KLHL5: variants seen among roughly 807,000 people sequenced by gnomAD.
KLHL5 encodes the protein kelch-like protein 5.
Under a neutral mutation model 77.7 loss-of-function variants are expected in KLHL5, and 48 were observed. The observed-to-expected ratio is 0.62, with a 90% CI of 0.49 to 0.79. The LOEUF (loss-of-function observed/expected upper bound fraction) is 0.79, where lower values mean the gene tolerates loss of function less well. Among genes scored for constraint, KLHL5 ranks in the 30% least tolerant of loss-of-function variants. The pLI, the probability that KLHL5 is intolerant of heterozygous loss-of-function variation, is 0.00. For synonymous variants in KLHL5, 260 were observed against 297.0 expected (o/e 0.88, Z 1.28); for missense variants, 723 against 859.7 (o/e 0.84, Z 1.99).
downstream of KLHL5, among the ~76,000 whole-genome samples, chr4:39,130,265 G>A (rs886709749): frequency 4.6e-5 from 7 of 152,164 alleles, no homozygotes; most frequent in Admixed American, 1.3e-4. Flanking sequence ...TATGGGAAAC[G>A]AAGGGATGGG....
the KLHL5 span, among the ~76,000 whole-genome samples, chr4:39,137,609 G>C: frequency 2.0e-5 from 3 of 152,168 alleles, no homozygotes. Flanking sequence ...GATGGAATGA[G>C]ACCCTGTCTC....
Position 39,105,773 on chromosome 4 carries a change from C to CACAT in KLHL5, c.1526-1795_1526-1794insCATA, listed in dbSNP as rs1553893729. Reference sequence around the variant, plus strand: ...ACACACACACACACACACACACACACATAAAATCTCCAAAAGCTAGTACTG... The same window carrying CACAT: ...ACACACACACACACACACACACACACACATATAAAATCTCCAAAAGCTAGTACTG... On this transcript the variant is annotated intron_variant, in intron 7 of 10. Transcript: ENST00000504108. 8.4e-3 allele frequency among the ~76,000 whole-genome samples: 1,184 copies of CACAT among 140,680 alleles called. 17 individuals are homozygous for CACAT. The highest frequency in any genetic ancestry group is 0.028 in the African/African-American group (1,098 of 39,734). 92.3% of individuals were successfully genotyped at this position (140,680 alleles called of 152,430 possible). A position where few individuals can be genotyped will look rare whatever the true frequency, so the allele number is the denominator to read the frequency against.
intron 1 of KLHL5, among the ~76,000 whole-genome samples, chr4:39,051,610 T>G (rs570503888): frequency 1.3e-5 from 2 of 152,310 alleles, no homozygotes; most frequent in East Asian, 3.9e-4. Context: ...GGGAGTGATT[T>G]TCACAGCAGT....
chr4:39,083,194 A>C (rs557039422), intron 4 of KLHL5, among the ~76,000 whole-genome samples: 2 of 152,208 alleles, frequency 1.3e-5, no homozygotes, highest in South Asian at 2.1e-4. Flanking sequence ...AAATTGTAAG[A>C]ATAGGTATTT....
At chr4:39,045,312 G>T (rs949228479) in intron 1 of KLHL5, among the ~76,000 whole-genome samples, 5 of 150,566 alleles carry the variant, frequency 3.3e-5, no homozygotes, top group African/African-American at 1.2e-4. Context: ...TCGAACCCCG[G>T]CCCGGCCTCC....
At chr4:39,052,133 A>G (rs1716699200) in intron 1 of KLHL5, among the ~76,000 whole-genome samples, 1 of 151,590 alleles carries the variant, frequency 6.6e-6, no homozygotes, top group South Asian at 2.1e-4. Context: ...TGTTATTATT[A>G]TTTTTGAGAC....
At chr4:39,140,216 G>A in the KLHL5 span, among the ~76,000 whole-genome samples, 9 of 152,222 alleles carry the variant, frequency 5.9e-5, no homozygotes, top group East Asian at 1.5e-3. Flanking sequence ...GTGACAAAGT[G>A]AGACCCTGTC....
chr4:39,063,523 A>G (rs1717616491), intron 1 of KLHL5: 10 of 418,804 alleles, frequency 2.4e-5, no homozygotes, highest in South Asian at 1.7e-4. Context: ...TGTAGTTGTC[A>G]ATAATATTTT....
chr4:39,073,832 T>TA (rs976013870), intron 1 of KLHL5, among the ~76,000 whole-genome samples: 43 of 148,912 alleles, frequency 2.9e-4, no homozygotes, highest in Admixed American at 2.2e-3. Context: ...ATTTTTATTT[T>TA]TTTTTTTGTA....
At chr4:39,070,459 T>C (rs1718370248) in intron 1 of KLHL5, among the ~76,000 whole-genome samples, 1 of 152,216 alleles carries the variant, frequency 6.6e-6, no homozygotes, top group Admixed American at 6.5e-5. Flanking sequence ...GGTATTTCTC[T>C]ATTAGAAACA....
upstream of KLHL5, among the ~76,000 whole-genome samples, chr4:39,060,088 A>G (rs991482003): frequency 4.6e-5 from 7 of 152,346 alleles, no homozygotes; most frequent in Admixed American, 4.6e-4. Context: ...GTTTTTTTAC[A>G]GTAATGAAAT....
chr4:39,070,734 G>A (rs1382288065), intron 1 of KLHL5, among the ~76,000 whole-genome samples: 1 of 152,110 alleles, frequency 6.6e-6, no homozygotes, highest in Non-Finnish European at 1.5e-5. Flanking sequence ...CACTATCCCA[G>A]GGGAAAAACG....
chr4:39,074,365 G>A (rs900169296), intron 1 of KLHL5, among the ~76,000 whole-genome samples: 5 of 152,222 alleles, frequency 3.3e-5, no homozygotes, highest in Admixed American at 2.0e-4. Context: ...TTCAATGTGA[G>A]TGTTCTTGCT....
intron 2 of KLHL5, among the ~76,000 whole-genome samples, chr4:39,078,396 A>T (rs1719286516): frequency 6.6e-6 from 1 of 150,764 alleles, no homozygotes; most frequent in African/African-American, 2.4e-5. Context: ...AAAAAAAAAA[A>T]AGAATGATAC....
rs1281140435 is a variant in KLHL5, at chr4:39,045,097, G to GT, written c.-95+2dup. On this transcript the variant is annotated splice_donor_variant, in intron 1 of 11. Coordinates refer to the KLHL5 transcript ENST00000261425. LOFTEE classifies it low-confidence loss of function (5UTR_SPLICE). ...ACGGCCGCCTCCGGAGCCCGACGCG[G>GT]TAAGTGCGACTTCCTTCTCGGCATC... The GT allele has an allele frequency of 7.1e-6, 7 of 986,500 alleles. No homozygotes were observed. In the East Asian group the frequency reaches 6.8e-4, roughly 96 times the overall value. 61.1% of individuals were successfully genotyped at this position (986,500 alleles called of 1,614,324 possible). A position where few individuals can be genotyped will look rare whatever the true frequency, so the allele number is the denominator to read the frequency against.
In KLHL5 at chr4:39,081,261, A is replaced by G. The variant is rs750620952; in HGVS notation, c.703+22A>G. Reference sequence around the variant, plus strand: ...ACAGGTAACGAGTCTGAAAATGTAAATTAAAACCTCTTAGATTTATGTTGT... The same window carrying G: ...ACAGGTAACGAGTCTGAAAATGTAAGTTAAAACCTCTTAGATTTATGTTGT... On this transcript the variant is annotated intron_variant, in intron 3 of 10. Transcript: ENST00000504108. This position sits in a 1 kb window ranked among gnomAD's most constrained non-coding sequence, Gnocchi z 4.3. The G allele has an allele frequency of 6.4e-6, 10 of 1,569,482 alleles. No homozygotes were observed. In the East Asian group the frequency reaches 2.1e-4, roughly 32 times the overall value.
At chr4:39,142,178 A>G in the KLHL5 span, among the ~76,000 whole-genome samples, 5 of 152,316 alleles carry the variant, frequency 3.3e-5, no homozygotes, top group African/African-American at 9.6e-5. Context: ...AGTATATTCA[A>G]ACTCAACATT....
the KLHL5 span, among the ~76,000 whole-genome samples, chr4:39,132,344 C>T: frequency 3.9e-5 from 6 of 152,160 alleles, no homozygotes; most frequent in African/African-American, 1.4e-4. Flanking sequence ...CGTGTTGGCT[C>T]ACTCTTGTAA....
chr4:39,107,626 A>C lies in KLHL5; in HGVS notation c.1583A>C (p.Tyr528Ser). The C allele has an allele frequency of 6.2e-7, 1 of 1,612,860 alleles. No individual in the cohort carries two copies. The highest frequency in any genetic ancestry group is 8.5e-7 in the Non-Finnish European group (1 of 1,179,098). The part of the protein sequence containing the change: ...YAVGGHDGWS[Y>S]LNTVERWDPQ... ...GTAGGAGGACATGATGGCTGGAGCT[A>C]TCTGAACACAGTGGAAAGATGGGAC... Residue 528 changes from tyrosine to serine, a missense_variant, in exon 8 of 11, where the codon TAT becomes TCT. Tyr to Ser is a moderately radical substitution (Grantham distance 144). This residue lies in a region of KLHL5 where 214 missense variants were observed against 237.4 expected (regional missense o/e 0.90). Coordinates refer to ENST00000504108, the MANE Select transcript of KLHL5 (RefSeq NM_015990.5).
Sources: gnomAD v4.1 joint callset for allele counts (sites outside exome capture counted in the v4.1 genomes callset) on GRCh38, gnomAD v4.1.1 for gene constraint, gnomAD v4.1.1 regional missense constraint, Gnocchi (gnomAD v3.1) non-coding constraint, MANE v1.5 for transcripts, NCBI Gene and HGNC (gene_info 2026-07-23, HGNC 2026-07-21) for gene names.